WWP2: variants seen among roughly 807,000 people sequenced by gnomAD.
WWP2 encodes the protein NEDD4-like E3 ubiquitin-protein ligase WWP2.
Under a neutral mutation model 121.0 loss-of-function variants are expected in WWP2, and 57 were observed. The observed-to-expected ratio is 0.47, with a 90% confidence interval of 0.38 to 0.59. WWP2 has a LOEUF of 0.59. Among genes scored for constraint, WWP2 ranks in the 20% least tolerant of loss-of-function variants. The pLI, the probability that WWP2 is intolerant of heterozygous loss-of-function variation, is 0.00. For synonymous variants in WWP2, 449 were observed against 441.3 expected (o/e 1.02, Z -0.22); for missense variants, 962 against 1,158.9 (o/e 0.83, Z 2.47).
intron 2 of WWP2, among the ~76,000 whole-genome samples, chr16:69,788,544 T>C (rs2055840833): frequency 6.6e-6 from 1 of 152,170 alleles, no homozygotes; most frequent in Non-Finnish European, 1.5e-5. Context: ...CACTTGCTGT[T>C]CCCTCTGAGT....
intron 7 of WWP2, among the ~76,000 whole-genome samples, chr16:69,880,859 G>C (rs2057815333): frequency 6.6e-6 from 1 of 152,212 alleles, no homozygotes; most frequent in Non-Finnish European, 1.5e-5. Flanking sequence ...CCTGAGTGCA[G>C]GGCCGAGAAG....
intron 4 of WWP2, among the ~76,000 whole-genome samples, chr16:69,832,941 AC>A (rs2056818020): frequency 6.6e-6 from 1 of 152,104 alleles, no homozygotes; most frequent in Admixed American, 6.5e-5. Context: ...TGCAGCCTTG[AC>A]CTTCTGGGCT....
intron 1 of WWP2, among the ~76,000 whole-genome samples, chr16:69,766,308 G>T (rs964619368): frequency 1.3e-5 from 2 of 152,140 alleles, no homozygotes; most frequent in Non-Finnish European, 2.9e-5. Flanking sequence ...CTTTCCCCTG[G>T]ATGATGGCAA....
At chr16:69,836,466 G>T (rs1191693344) in intron 4 of WWP2, among the ~76,000 whole-genome samples, 1 of 151,990 alleles carries the variant, frequency 6.6e-6, no homozygotes, top group Non-Finnish European at 1.5e-5. Flanking sequence ...GCCTTGCTTT[G>T]CTCTCAGTGA....
At position 69,799,686 on chromosome 16, in the gene WWP2, A is replaced by G. The variant is rs1237582494; in HGVS notation, c.340+391A>G. Among the ~76,000 whole-genome samples, 1 of 152,152 alleles carries G rather than the reference A, an allele frequency of 6.6e-6. No homozygotes were observed. The highest frequency in any genetic ancestry group is 1.5e-5 in the Non-Finnish European group (1 of 68,020). ...AAAACAGAACAAAGGAGCTGTGTGTATACGTATATGTGTGTGTGTGCATGC... is the reference window on the plus strand; with the variant it reads ...AAAACAGAACAAAGGAGCTGTGTGTGTACGTATATGTGTGTGTGTGCATGC... On this transcript the variant is annotated intron_variant, in intron 4 of 23. Coordinates refer to ENST00000359154, the MANE Select transcript of WWP2 (RefSeq NM_001270454.2). The surrounding 1 kb of genome is among the most constrained non-coding windows in gnomAD (Gnocchi z 4.5).
At chr16:69,867,782 G>A (rs1040018481) in intron 6 of WWP2, among the ~76,000 whole-genome samples, 3 of 152,202 alleles carry the variant, frequency 2.0e-5, no homozygotes, top group African/African-American at 7.2e-5. Context: ...GGCCTGACTG[G>A]CACTGCCATT....
At chr16:69,892,734 A>G (rs756763602) in intron 8 of WWP2, among the ~76,000 whole-genome samples, 27 of 152,034 alleles carry the variant, frequency 1.8e-4, no homozygotes, top group Non-Finnish European at 3.8e-4. Context: ...AGGTCTCCCT[A>G]TGTTTCCAAG....
intron 2 of WWP2, 107 bp from the exon 3 acceptor site, chr16:69,798,575 G>T: frequency 3.1e-6 from 4 of 1,289,924 alleles, no homozygotes; most frequent in Non-Finnish European, 2.1e-6. Context: ...AAAATGTATT[G>T]ATTTATTTTT....
At chr16:69,903,046 G>A (rs150033402) in intron 8 of WWP2, among the ~76,000 whole-genome samples, 354 of 152,304 alleles carry the variant, frequency 2.3e-3, no homozygotes, top group Middle Eastern at 0.014. Context: ...AAAGGTGATG[G>A]AAGAAAGGTC....
intron 4 of WWP2, among the ~76,000 whole-genome samples, chr16:69,805,149 C>T (rs1262282743): frequency 6.6e-6 from 1 of 151,860 alleles, no homozygotes; most frequent in Non-Finnish European, 1.5e-5. Context: ...AAGCGATTCT[C>T]GTGCCTCAGA....
At chr16:69,793,461 G>C (rs564549694) in intron 2 of WWP2, among the ~76,000 whole-genome samples, 3 of 152,286 alleles carry the variant, frequency 2.0e-5, no homozygotes, top group African/African-American at 7.2e-5. Context: ...TTATCACTCA[G>C]ATCAGTCTTC....
At chr16:69,869,941 T>A (rs181397122) in intron 6 of WWP2, among the ~76,000 whole-genome samples, 258 of 152,284 alleles carry the variant, frequency 1.7e-3, no homozygotes, top group African/African-American at 6.0e-3. Flanking sequence ...GAACTTTCTA[T>A]TATAGCTCTT....
At chr16:69,773,209 C>T (rs1385712745) in intron 1 of WWP2, among the ~76,000 whole-genome samples, 1 of 151,606 alleles carries the variant, frequency 6.6e-6, no homozygotes, top group Admixed American at 6.6e-5. Flanking sequence ...AGATGACTCT[C>T]ATGCTGTCGC....
chr16:69,778,265 C>T (rs762289415), intron 1 of WWP2, among the ~76,000 whole-genome samples: 49 of 149,468 alleles, frequency 3.3e-4, no homozygotes, highest in Non-Finnish European at 6.6e-4. Flanking sequence ...TTTCCCATCC[C>T]CCTCCCAATA....
intron 6 of WWP2, among the ~76,000 whole-genome samples, chr16:69,855,050 T>C (rs776615058): frequency 4.0e-5 from 6 of 151,754 alleles, no homozygotes; most frequent in Non-Finnish European, 7.4e-5. Flanking sequence ...AGAGATAAGG[T>C]CTCCCCAGGC....
At chr16:69,844,005 T>G (rs1422069621) in intron 6 of WWP2, among the ~76,000 whole-genome samples, 1 of 152,232 alleles carries the variant, frequency 6.6e-6, no homozygotes, top group East Asian at 1.9e-4. Context: ...CAGATTTGGT[T>G]GTTTTGTGGG....
intron 10 of WWP2, chr16:69,924,860 T>A: frequency 2.2e-6 from 2 of 909,622 alleles, no homozygotes; most frequent in Non-Finnish European, 2.6e-6. Context: ...GGGTGGACGC[T>A]GCACACCCAG....
chr16:69,829,565 C>T (rs1338569563), intron 4 of WWP2, among the ~76,000 whole-genome samples: 3 of 152,176 alleles, frequency 2.0e-5, no homozygotes, highest in Admixed American at 6.5e-5. Context: ...GATGGTCTTC[C>T]TCCCTGCCCT....
Position 69,807,619 on chromosome 16 carries a change from CAAAAAAAAAAAAAA to C in WWP2, c.340+8336_340+8349del, listed in dbSNP as rs530408058. 1.3e-4 allele frequency among the ~76,000 whole-genome samples: 6 copies of C among 46,884 alleles called. No homozygotes were observed. In the East Asian group the frequency reaches 2.8e-3, roughly 22 times the overall value. The allele number at this position is 46,884 out of a possible 152,430, so 30.8% of individuals were successfully genotyped here. A position where few individuals can be genotyped will look rare whatever the true frequency, so the allele number is the denominator to read the frequency against. ...GGGTGACAGAGCAAGACCCTTTCTC[CAAAAAAAAAAAAAA>C]AAAAAAAAAAAGAAAAGAAAAAGGA... On this transcript the variant is annotated intron_variant, in intron 4 of 23. Coordinates refer to ENST00000359154, the MANE Select transcript of WWP2 (RefSeq NM_001270454.2).
Sources: allele counts gnomAD v4.1 joint callset (sites outside exome capture counted in the v4.1 genomes callset), GRCh38; gene constraint gnomAD v4.1.1; non-coding constraint Gnocchi (gnomAD v3.1); transcripts MANE v1.5; gene names NCBI Gene and HGNC (gene_info 2026-07-23, HGNC 2026-07-21).